The following ERG variants were observed in gnomAD, a reference collection of about 807,000 sequenced individuals.
ERG encodes the protein ETS transcription factor ERG, also known as transcriptional regulator ERG.
A neutral mutation model predicts 55.3 loss-of-function variants in ERG; 9 were observed. The ratio of observed to expected loss-of-function variants is 0.16; its 90% CI spans 0.10 to 0.28. The LOEUF (loss-of-function observed/expected upper bound fraction) is 0.28, where lower values mean the gene tolerates loss of function less well. ERG is among the 10% of genes least tolerant of loss of function. ERG has a pLI of 1.00. For missense variants in ERG, 434 were observed against 631.6 expected, an observed-to-expected ratio of 0.69 and a Z score of 3.35; for synonymous variants, 223 against 237.3, an observed-to-expected ratio of 0.94 and a Z score of 0.55.
At chr21:38,524,692 T>G (rs1437665122) in intron 2 of ERG, among the ~76,000 whole-genome samples, 1 of 152,176 alleles carries the variant, frequency 6.6e-6, no homozygotes, top group Admixed American at 6.5e-5. Context: ...GATAAGATAT[T>G]AGATTTTCTT....
chr21:38,643,279 A>G (rs959707678), intron 1 of ERG, among the ~76,000 whole-genome samples: 4 of 152,218 alleles, frequency 2.6e-5, no homozygotes, highest in Non-Finnish European at 5.9e-5. Context: ...TTTACTACCT[A>G]TAATGGAAGA....
At chr21:38,549,744 T>A (rs943223342) in intron 2 of ERG, among the ~76,000 whole-genome samples, 79 of 151,930 alleles carry the variant, frequency 5.2e-4, no homozygotes, top group Admixed American at 1.7e-3. Context: ...GTGTTTTTTT[T>A]AACCTAGATT....
chr21:38,489,427 T>C (rs1239329510), intron 1 of ERG, among the ~76,000 whole-genome samples: 3 of 152,176 alleles, frequency 2.0e-5, no homozygotes, highest in African/African-American at 4.8e-5. Context: ...ACATTTTATG[T>C]CTTTTCTCCT....
intron 1 of ERG, among the ~76,000 whole-genome samples, chr21:38,463,608 G>A (rs966974679): frequency 1.3e-5 from 2 of 152,224 alleles, no homozygotes; most frequent in Non-Finnish European, 2.9e-5. Flanking sequence ...TAAAGGAACT[G>A]GTGTGCACTG....
At chr21:38,587,636 G>A (rs1336281177), upstream of ERG, among the ~76,000 whole-genome samples, 1 of 152,216 alleles carries the variant, frequency 6.6e-6, no homozygotes, top group Non-Finnish European at 1.5e-5. Context: ...ACAGGCGTGA[G>A]CCACGGCGCC....
intron 3 of ERG, among the ~76,000 whole-genome samples, chr21:38,422,772 T>C (rs1009684830): frequency 6.6e-6 from 1 of 152,212 alleles, no homozygotes; most frequent in Admixed American, 6.5e-5. Flanking sequence ...TTAGAATCTG[T>C]ATTACAGGCC....
chr21:38,495,336 C>T (rs1176109186), intron 1 of ERG, among the ~76,000 whole-genome samples: 1 of 152,168 alleles, frequency 6.6e-6, no homozygotes, highest in East Asian at 1.9e-4. Flanking sequence ...AACCTTCCAA[C>T]CTCTGTTAAT....
In ERG at chr21:38,382,710, T is replaced by C; in HGVS notation, c.*693A>G. ...TTCCTCCTCCTTCTTCACCCCTCTG[T>C]CTACAATCACACGCTCACTCTATAC... On this transcript the variant is annotated 3_prime_UTR_variant, in exon 10 of 10. Coordinates refer to ENST00000288319, the MANE Select transcript of ERG (RefSeq NM_182918.4). 1 of 1,066,870 alleles carries C rather than the reference T, an allele frequency of 9.4e-7. No individual in the cohort carries two copies. 66.1% of individuals were successfully genotyped at this position (1,066,870 alleles called of 1,614,324 possible). A position where few individuals can be genotyped will look rare whatever the true frequency, so the allele number is the denominator to read the frequency against.
chr21:38,395,481 C>G (rs982214273), intron 6 of ERG: 1 of 211,172 alleles, frequency 4.7e-6, no homozygotes, highest in East Asian at 7.2e-5. Flanking sequence ...TTCTCTTTGA[C>G]TTTGATCTTC....
intron 2 of ERG, among the ~76,000 whole-genome samples, chr21:38,444,738 AAAC>A (rs1017617039): frequency 2.4e-4 from 36 of 147,974 alleles, no homozygotes; most frequent in African/African-American, 6.1e-4. Flanking sequence ...AAAAAAAAAA[AAAC>A]AAACAGCAGG....
chr21:38,579,510 T>G (rs1286124304), intron 1 of ERG, among the ~76,000 whole-genome samples: 1 of 152,144 alleles, frequency 6.6e-6, no homozygotes, highest in East Asian at 1.9e-4. Flanking sequence ...AGCTGATTCA[T>G]GCAGAGACAA....
chr21:38,435,050 T>A (rs1254693495), intron 2 of ERG, among the ~76,000 whole-genome samples: 2 of 152,192 alleles, frequency 1.3e-5, no homozygotes, highest in Non-Finnish European at 1.5e-5. Context: ...GGAAGCCACA[T>A]GGAAGAAATG....
chr21:38,642,528 A>C (rs967332668), intron 1 of ERG, among the ~76,000 whole-genome samples: 12 of 152,192 alleles, frequency 7.9e-5, no homozygotes, highest in African/African-American at 2.7e-4. Flanking sequence ...AGCACACTAC[A>C]TCCTGCCAAG....
chr21:38,392,186 A>G, intron 7 of ERG, 190 bp downstream of exon 7: 1 of 685,576 alleles, frequency 1.5e-6, no homozygotes, highest in Non-Finnish European at 2.6e-6. Flanking sequence ...TTTTGTTATG[A>G]AAGTCCTGAT....
At chr21:38,506,059 A>G (rs991671084) in intron 2 of ERG, among the ~76,000 whole-genome samples, 21 of 151,996 alleles carry the variant, frequency 1.4e-4, no homozygotes, top group African/African-American at 5.1e-4. Context: ...ATTATTATAG[A>G]ACATAAAGAA....
intron 3 of ERG, among the ~76,000 whole-genome samples, chr21:38,413,522 CAAGA>C (rs763693134): frequency 2.0e-5 from 3 of 152,026 alleles, no homozygotes; most frequent in Non-Finnish European, 4.4e-5. Flanking sequence ...TCAAAAATGG[CAAGA>C]AAGAGTGCCT....
chr21:38,646,269 A>T (rs2060455790), intron 1 of ERG, among the ~76,000 whole-genome samples: 1 of 137,256 alleles, frequency 7.3e-6, no homozygotes, highest in South Asian at 2.5e-4. Flanking sequence ...TGACAGAGGG[A>T]GTCTCTGTCT....
intron 1 of ERG, among the ~76,000 whole-genome samples, chr21:38,467,162 A>T (rs1181684889): frequency 6.6e-6 from 1 of 152,178 alleles, no homozygotes; most frequent in Non-Finnish European, 1.5e-5. Context: ...AAGCAGAAAC[A>T]TCCAACAAAT....
intron 1 of ERG, among the ~76,000 whole-genome samples, chr21:38,478,561 A>G (rs772918896): frequency 1.3e-5 from 2 of 152,164 alleles, no homozygotes; most frequent in African/African-American, 2.4e-5. Context: ...ACACACAGAC[A>G]TGACAAGAAT....
Sources: allele counts gnomAD v4.1 joint callset (sites outside exome capture counted in the v4.1 genomes callset), GRCh38; gene constraint gnomAD v4.1.1; transcripts MANE v1.5; gene names NCBI Gene and HGNC (gene_info 2026-07-23, HGNC 2026-07-21).